Variants in PLCB1 observed in about 807,000 individuals in gnomAD.
PLCB1 encodes 1-phosphatidylinositol 4,5-bisphosphate phosphodiesterase beta-1.
Under a neutral mutation model 161.8 loss-of-function variants are expected in PLCB1, and 46 were observed. That is an observed-to-expected ratio of 0.28 (90% confidence interval 0.22 to 0.36). PLCB1 has a LOEUF of 0.36. PLCB1 is among the 10% of genes least tolerant of loss of function. PLCB1 has a pLI of 1.00. For missense variants in PLCB1, 1,016 were observed against 1,472.5 expected, an observed-to-expected ratio of 0.69 and a Z score of 5.07; for synonymous variants, 517 against 503.7, an observed-to-expected ratio of 1.03 and a Z score of -0.35.
intron 31 of PLCB1, among the ~76,000 whole-genome samples, chr20:8,806,075 A>G (rs1984524676): frequency 6.6e-6 from 1 of 152,172 alleles, no homozygotes; most frequent in Non-Finnish European, 1.5e-5. Context: ...CAAGGCATTA[A>G]ACATCACAGG....
chr20:8,467,223 G>A (rs1306852245), intron 3 of PLCB1, among the ~76,000 whole-genome samples: 1 of 152,164 alleles, frequency 6.6e-6, no homozygotes, highest in Admixed American at 6.5e-5. Flanking sequence ...TTACAGGCAT[G>A]AGCCACCATG....
In PLCB1 at chr20:8,783,540, C is replaced by T. The variant is rs185227276; in HGVS notation, c.3112-4909C>T. On this transcript the variant is annotated intron_variant, in intron 27 of 31. Coordinates refer to ENST00000338037, the MANE Select transcript of PLCB1 (RefSeq NM_015192.4). ...GAGATTAAGCAGAGTTGTTTTATTTCTGTTTTTGTTTGTTTTTATTTTATC... is the reference window on the plus strand; with the variant it reads ...GAGATTAAGCAGAGTTGTTTTATTTTTGTTTTTGTTTGTTTTTATTTTATC... Among the ~76,000 whole-genome samples the T allele has an allele frequency of 7.7e-3, 1,167 of 151,900 alleles. 15 individuals carry two copies. Among genetic ancestry groups the T allele is most frequent in the African/African-American group, 0.027 (1,120 of 41,470 alleles).
chr20:8,822,420 G>T (rs2146266076), intron 31 of PLCB1, among the ~76,000 whole-genome samples: 1 of 152,304 alleles, frequency 6.6e-6, no homozygotes, highest in African/African-American at 2.4e-5. Flanking sequence ...AGGCCTCCAG[G>T]TGCCTAAGAA....
intron 2 of PLCB1, among the ~76,000 whole-genome samples, chr20:8,180,292 AG>A (rs2051828127): frequency 1.3e-5 from 2 of 152,250 alleles, no homozygotes; most frequent in African/African-American, 4.8e-5. Context: ...TTTGCATCCC[AG>A]GGATAAAGCC....
chr20:8,250,867 T>C (rs1423831451), intron 2 of PLCB1, among the ~76,000 whole-genome samples: 1 of 151,972 alleles, frequency 6.6e-6, no homozygotes, highest in Non-Finnish European at 1.5e-5. Context: ...TGAAAAGACA[T>C]AGTTCCTTTT....
chr20:8,329,773 G>A (rs1253417002), intron 2 of PLCB1, among the ~76,000 whole-genome samples: 1 of 152,096 alleles, frequency 6.6e-6, no homozygotes, highest in Non-Finnish European at 1.5e-5. Flanking sequence ...TTGCTTCAGA[G>A]TCCACCTATG....
At chr20:8,536,765 T>C (rs1404249314) in intron 3 of PLCB1, among the ~76,000 whole-genome samples, 3 of 152,134 alleles carry the variant, frequency 2.0e-5, no homozygotes, top group East Asian at 1.9e-4. Flanking sequence ...CATTTTACCA[T>C]ATTCAGTGGT....
At chr20:8,607,392 A>G (rs749886002) in intron 3 of PLCB1, among the ~76,000 whole-genome samples, 2 of 152,194 alleles carry the variant, frequency 1.3e-5, no homozygotes, top group Admixed American at 6.5e-5. Flanking sequence ...ATAGAAATCT[A>G]AACTCCATCC....
intron 3 of PLCB1, among the ~76,000 whole-genome samples, chr20:8,464,663 G>C (rs1317953000): frequency 6.6e-6 from 1 of 152,168 alleles, no homozygotes; most frequent in Non-Finnish European, 1.5e-5. Flanking sequence ...AATCATAGCT[G>C]TGTAGAGATA....
chr20:8,644,376 A>C (rs1298919508), intron 4 of PLCB1, among the ~76,000 whole-genome samples: 1 of 133,928 alleles, frequency 7.5e-6, no homozygotes, highest in Non-Finnish European at 1.6e-5. Context: ...CCGCCATCCC[A>C]TCTAGGAAGT....
chr20:8,413,872 C>G (rs1177563157), intron 3 of PLCB1, among the ~76,000 whole-genome samples: 1 of 152,178 alleles, frequency 6.6e-6, no homozygotes, highest in Non-Finnish European at 1.5e-5. Context: ...ATTCTGTCAT[C>G]ATCTGTGGTT....
chr20:8,809,204 G>T (rs915447178), intron 31 of PLCB1, among the ~76,000 whole-genome samples: 6 of 151,926 alleles, frequency 3.9e-5, no homozygotes, highest in Non-Finnish European at 8.8e-5. Context: ...GTGGAGTTTT[G>T]CCATGTTGCC....
At chr20:8,481,736 A>G (rs1386800501) in intron 3 of PLCB1, among the ~76,000 whole-genome samples, 1 of 152,188 alleles carries the variant, frequency 6.6e-6, no homozygotes, top group Admixed American at 6.5e-5. Context: ...CCTTCACCTG[A>G]ATAATATAAT....
intron 3 of PLCB1, among the ~76,000 whole-genome samples, chr20:8,480,965 G>T (rs950238570): frequency 1.3e-5 from 2 of 152,082 alleles, no homozygotes; most frequent in South Asian, 2.1e-4. Flanking sequence ...TTAGCTGGGC[G>T]TGGTGGTGCG....
At chr20:8,624,833 C>A (rs1156887260) in intron 3 of PLCB1, among the ~76,000 whole-genome samples, 1 of 152,120 alleles carries the variant, frequency 6.6e-6, no homozygotes, top group Non-Finnish European at 1.5e-5. Context: ...CAGAAATGAT[C>A]TAGATTTAAC....
chr20:8,875,881 C>G (rs955911416), intron 31 of PLCB1, among the ~76,000 whole-genome samples: 2 of 146,038 alleles, frequency 1.4e-5, no homozygotes, highest in Non-Finnish European at 3.0e-5. Context: ...TCAAGAGTAA[C>G]TTTGCTTGCT....
intron 21 of PLCB1, among the ~76,000 whole-genome samples, chr20:8,739,885 C>G (rs1288087987): frequency 6.6e-6 from 1 of 152,206 alleles, no homozygotes; most frequent in Non-Finnish European, 1.5e-5. Context: ...CACGTCAAGG[C>G]TGGGCATGGT....
chr20:8,300,194 A>G (rs1983835245), intron 2 of PLCB1, among the ~76,000 whole-genome samples: 4 of 152,148 alleles, frequency 2.6e-5, no homozygotes, highest in Admixed American at 2.6e-4. Context: ...TTCTCGTGGG[A>G]ATGACAGAGG....
chr20:8,619,586 T>A (rs529075462), intron 3 of PLCB1, among the ~76,000 whole-genome samples: 3 of 152,310 alleles, frequency 2.0e-5, no homozygotes, highest in East Asian at 3.9e-4. Flanking sequence ...TTAATTTTGA[T>A]CACCACACTA....
Sources: gnomAD v4.1 joint callset for allele counts (sites outside exome capture counted in the v4.1 genomes callset) on GRCh38, gnomAD v4.1.1 for gene constraint, MANE v1.5 for transcripts, NCBI Gene and HGNC (gene_info 2026-07-23, HGNC 2026-07-21) for gene names.